The following SNAP91 variants were observed in gnomAD, a reference collection of about 807,000 sequenced individuals.
SNAP91 encodes clathrin coat assembly protein AP180.
Under a neutral mutation model 100.3 loss-of-function variants are expected in SNAP91, and 27 were observed. That is an observed-to-expected ratio of 0.27 (90% CI 0.20 to 0.37). The LOEUF is 0.37. Among genes scored for constraint, SNAP91 ranks in the 10% least tolerant of loss-of-function variants. The pLI, the probability that SNAP91 is intolerant of heterozygous loss-of-function variation, is 1.00. For missense variants in SNAP91, 986 were observed against 1,123.7 expected (o/e 0.88, Z 1.75); for synonymous variants, 404 against 398.6 (o/e 1.01, Z -0.16).
intron 24 of SNAP91, among the ~76,000 whole-genome samples, chr6:83,577,779 G>C (rs755416525): frequency 2.6e-5 from 4 of 152,078 alleles, no homozygotes; most frequent in Non-Finnish European, 5.9e-5. Context: ...TTTAAAGTAC[G>C]TAATTCAATG....
chr6:83,621,122 C>T (rs928989110), intron 9 of SNAP91, among the ~76,000 whole-genome samples: 3 of 152,120 alleles, frequency 2.0e-5, no homozygotes, highest in Admixed American at 6.5e-5. Context: ...CCACCTTCTA[C>T]CCTCCAGTAG....
chr6:83,648,217 C>T (rs538784623), intron 7 of SNAP91, among the ~76,000 whole-genome samples: 3 of 152,270 alleles, frequency 2.0e-5, no homozygotes, highest in Admixed American at 2.0e-4. Flanking sequence ...ACATTACACA[C>T]TCTCTTTTCT....
intron 8 of SNAP91, among the ~76,000 whole-genome samples, chr6:83,631,929 A>AT (rs556554092): frequency 1.3e-5 from 2 of 151,654 alleles, no homozygotes; most frequent in East Asian, 1.9e-4. Context: ...AAAATTATAT[A>AT]TTTTTTATAG....
At chr6:83,601,556 T>C (rs780824390) in intron 15 of SNAP91, 29 bp downstream of exon 15, 5 of 1,613,260 alleles carry the variant, frequency 3.1e-6, no homozygotes, top group East Asian at 2.2e-5. Flanking sequence ...TCTGTCAAAA[T>C]GGAAGTTTAA....
chr6:83,683,156 T>C (rs2099015381), intron 2 of SNAP91, among the ~76,000 whole-genome samples: 1 of 152,156 alleles, frequency 6.6e-6, no homozygotes, highest in Admixed American at 6.5e-5. Context: ...CTTTTTCTTA[T>C]CTCTGTCTTT....
At chr6:83,619,019 AC>A (rs1399023004) in intron 9 of SNAP91, among the ~76,000 whole-genome samples, 20 of 152,182 alleles carry the variant, frequency 1.3e-4, no homozygotes, top group East Asian at 5.8e-4. Flanking sequence ...AAACAAAAAA[AC>A]AAAACAAAAA....
At chr6:83,560,074 C>T (rs1327120658) in intron 28 of SNAP91, 30 bp downstream of exon 28, 3 of 1,556,364 alleles carry the variant, frequency 1.9e-6, no homozygotes, top group Non-Finnish European at 2.7e-6. Context: ...TAGTTAATGT[C>T]ACTGATTTGT....
At chr6:83,661,141 G>A (rs539936364) in intron 5 of SNAP91, among the ~76,000 whole-genome samples, 32 of 152,252 alleles carry the variant, frequency 2.1e-4, no homozygotes, top group Non-Finnish European at 8.8e-5. Flanking sequence ...ATACTTTTAA[G>A]TGAATCTTGT....
In SNAP91 at chr6:83,592,543, A is replaced by G; in HGVS notation, c.1847-5T>C. On this transcript the variant is annotated splice_region_variant and splice_polypyrimidine_tract_variant and intron_variant, in intron 20 of 29. Coordinates refer to ENST00000369694, the MANE Select transcript of SNAP91 (RefSeq NM_001242792.2). Reference sequence around the variant, plus strand: ...ATGGTGCTGCAAATGCATCCACTGCAGTGAAGCACAGACAGGAAAAAGTGC... The same window carrying G: ...ATGGTGCTGCAAATGCATCCACTGCGGTGAAGCACAGACAGGAAAAAGTGC... 6.2e-7 allele frequency: 1 copy of G among 1,601,902 alleles called. No individual in the cohort carries two copies. The highest frequency in any genetic ancestry group is 8.5e-7 in the Non-Finnish European group (1 of 1,173,750).
At chr6:83,560,240 C>T in intron 27 of SNAP91, 32 bp from the exon 28 acceptor site, 1 of 1,522,948 alleles carries the variant, frequency 6.6e-7, no homozygotes, top group Non-Finnish European at 9.1e-7. Flanking sequence ...TGGTTCAGAG[C>T]ATGAGTGGAA....
intron 11 of SNAP91, chr6:83,611,522 G>A (rs2096071371): frequency 4.5e-6 from 2 of 444,382 alleles, no homozygotes; most frequent in Admixed American, 2.5e-5. Context: ...TATATTCACC[G>A]CCTTACTGCA....
At chr6:83,622,767 C>G (rs1344287216) in intron 9 of SNAP91, among the ~76,000 whole-genome samples, 12 of 151,318 alleles carry the variant, frequency 7.9e-5, no homozygotes, top group Non-Finnish European at 1.6e-4. Context: ...ACTAGATGGG[C>G]TCCAGAAAAA....
chr6:83,704,059 T>C (rs1405512933), intron 2 of SNAP91, among the ~76,000 whole-genome samples: 1 of 152,204 alleles, frequency 6.6e-6, no homozygotes, highest in Non-Finnish European at 1.5e-5. Flanking sequence ...TGGGTGCCTA[T>C]TACTACCTGA....
chr6:83,591,534 T>G (rs915191442), intron 21 of SNAP91, among the ~76,000 whole-genome samples: 1 of 152,206 alleles, frequency 6.6e-6, no homozygotes, highest in African/African-American at 2.4e-5. Flanking sequence ...AATTCTTTTT[T>G]TTTTCTAAGA....
intron 26 of SNAP91, among the ~76,000 whole-genome samples, chr6:83,565,526 T>C (rs1037662207): frequency 1.8e-4 from 28 of 152,312 alleles, no homozygotes; most frequent in African/African-American, 6.5e-4. Context: ...GTAAGCATGA[T>C]GCATGTGCTA....
rs1421433511 is a variant in SNAP91 at position 83,553,581 on chromosome 6, T to A, written c.*715A>T. On this transcript the variant is annotated 3_prime_UTR_variant, in exon 30 of 30. Coordinates refer to ENST00000369694, the MANE Select transcript of SNAP91 (RefSeq NM_001242792.2). ...ATTTAGATGCAAAACCTGTCAAATA[T>A]AATTAAAATATATATATTTTAATAT... is the stretch of plus-strand genomic sequence containing the variant. The A allele has an allele frequency of 6.6e-6, 1 of 152,012 alleles. No individual in the cohort carries two copies. Among genetic ancestry groups the A allele is most frequent in the Non-Finnish European group, 1.5e-5 (1 of 67,992 alleles). The allele number at this position is 152,012 out of a possible 1,614,324, so 9.4% of individuals were successfully genotyped here.
At chr6:83,566,209 G>A (rs1254744181) in intron 26 of SNAP91, among the ~76,000 whole-genome samples, 2 of 152,090 alleles carry the variant, frequency 1.3e-5, no homozygotes, top group Non-Finnish European at 2.9e-5. Context: ...AAGGGTAAGG[G>A]GAAATTGAAA....
At position 83,709,099 on chromosome 6, in the gene SNAP91, T is replaced by A. The variant is rs1313316739; in HGVS notation, c.-285A>T. On this transcript the variant is annotated 5_prime_UTR_variant, in exon 1 of 30. Transcript: ENST00000369694. ...GCCGCGTCTCTCTAGCGCTCCGAGCTGCGTCCCCATCCCCGCCCCCACCTC... is the reference window on the plus strand; with the variant it reads ...GCCGCGTCTCTCTAGCGCTCCGAGCAGCGTCCCCATCCCCGCCCCCACCTC... 3 of 152,572 alleles carry A rather than the reference T, an allele frequency of 2.0e-5. No homozygotes were observed. The highest frequency in any genetic ancestry group is 4.4e-5 in the Non-Finnish European group (3 of 68,378). The allele number at this position is 152,572 out of a possible 1,614,324, so 9.5% of individuals were successfully genotyped here. A position where few individuals can be genotyped will look rare whatever the true frequency, so the allele number is the denominator to read the frequency against.
chr6:83,688,472 C>T (rs1054013527), intron 2 of SNAP91, among the ~76,000 whole-genome samples: 2 of 150,518 alleles, frequency 1.3e-5, no homozygotes, highest in Admixed American at 6.6e-5. Context: ...TGGAAAACTC[C>T]TATTTGTCCC....
Sources: allele counts gnomAD v4.1 joint callset (sites outside exome capture counted in the v4.1 genomes callset), GRCh38; gene constraint gnomAD v4.1.1; transcripts MANE v1.5; gene names NCBI Gene and HGNC (gene_info 2026-07-23, HGNC 2026-07-21).